KIRREL3: variants seen among roughly 807,000 people sequenced by gnomAD.
KIRREL3 encodes the protein kin of IRRE-like protein 3.
KIRREL3 carries 36 observed loss-of-function variants against 89.7 expected under a neutral mutation model. The ratio of observed to expected loss-of-function variants is 0.40; its 90% CI spans 0.31 to 0.53. The LOEUF (loss-of-function observed/expected upper bound fraction) is 0.53, where lower values mean the gene tolerates loss of function less well. Among genes scored for constraint, KIRREL3 ranks in the 20% least tolerant of loss-of-function variants. KIRREL3 has a pLI of 0.49. For missense variants in KIRREL3, 864 were observed against 1,056.6 expected (o/e 0.82, Z 2.53); for synonymous variants, 445 against 441.4 (o/e 1.01, Z -0.10).
At chr11:126,634,825 G>C (rs1454987143) in intron 1 of KIRREL3, among the ~76,000 whole-genome samples, 3 of 152,154 alleles carry the variant, frequency 2.0e-5, no homozygotes, top group Admixed American at 2.0e-4. Flanking sequence ...CTACAGGTCT[G>C]CGCCCTCTCG....
At chr11:126,834,479 C>T (rs745546068) in intron 1 of KIRREL3, among the ~76,000 whole-genome samples, 8 of 152,130 alleles carry the variant, frequency 5.3e-5, no homozygotes, top group Admixed American at 1.3e-4. Flanking sequence ...GACTGGCTCC[C>T]GGCAGGAAAG....
rs914173332 is a variant in KIRREL3, at chr11:126,647,898, G to A, written c.56-84986C>T. Among the ~76,000 whole-genome samples, 4 of 152,138 alleles carry A rather than the reference G, an allele frequency of 2.6e-5. No homozygotes were observed. Among genetic ancestry groups the A allele is most frequent in the Admixed American group, 6.5e-5 (1 of 15,272 alleles). On this transcript the variant is annotated intron_variant, in intron 1 of 16. Coordinates refer to ENST00000525144, the MANE Select transcript of KIRREL3 (RefSeq NM_032531.4). This position sits in a 1 kb window ranked among gnomAD's most constrained non-coding sequence, Gnocchi z 4.9. ...ATGGTGCTCTCCGGGGTCTGGCCTC[G>A]TTGTTACACTTTGACTTAATCTTCA...
intron 1 of KIRREL3, among the ~76,000 whole-genome samples, chr11:126,793,416 A>G (rs1950708005): frequency 6.6e-6 from 1 of 152,190 alleles, no homozygotes; most frequent in African/African-American, 2.4e-5. Flanking sequence ...GTTCCTTTGG[A>G]TGTGCATGCT....
intron 1 of KIRREL3, among the ~76,000 whole-genome samples, chr11:126,720,512 A>G (rs1948127502): frequency 6.6e-6 from 1 of 152,248 alleles, no homozygotes; most frequent in Non-Finnish European, 1.5e-5. Context: ...GGTGTATCTA[A>G]GGAAATAAAA....
At chr11:126,753,389 C>G (rs1052775564) in intron 1 of KIRREL3, among the ~76,000 whole-genome samples, 6 of 152,194 alleles carry the variant, frequency 3.9e-5, no homozygotes, top group Non-Finnish European at 7.3e-5. Flanking sequence ...CCATCCTGCA[C>G]TACTGGGATG....
At chr11:126,920,103 T>C (rs1416254632) in intron 1 of KIRREL3, 1 of 152,216 alleles carries the variant, frequency 6.6e-6, no homozygotes, top group African/African-American at 2.4e-5. Context: ...TTCTTCTTAT[T>C]GTACAGATGA....
Position 126,520,695 on chromosome 11 carries a change from C to T in KIRREL3, c.433+620G>A, listed in dbSNP as rs748296809. Among the ~76,000 whole-genome samples the T allele has an allele frequency of 6.6e-6, 1 of 152,108 alleles. No homozygotes were observed. The highest frequency in any genetic ancestry group is 1.5e-5 in the Non-Finnish European group (1 of 68,018). ...GGCAAGATGATCCAGGAACGCTGGG[C>T]TCCTGGGAACATAAGATGAAGAAAG... On this transcript the variant is annotated intron_variant, in intron 4 of 16. Transcript: ENST00000525144. This position sits in a 1 kb window ranked among gnomAD's most constrained non-coding sequence, Gnocchi z 4.9.
At chr11:126,743,516 A>G (rs1014218965) in intron 1 of KIRREL3, among the ~76,000 whole-genome samples, 15 of 152,254 alleles carry the variant, frequency 9.9e-5, no homozygotes, top group African/African-American at 3.4e-4. Context: ...GTGAATGCAT[A>G]TTGAATGCAA....
At position 126,441,558 on chromosome 11, in the gene KIRREL3, G is replaced by T. The variant is rs927369665; in HGVS notation, c.1253-1009C>A. ...GTCATGCTCCCTTTCCAATCCCTGG[G>T]GTCACAGTTGGGACTTAGATGGCAG... is the stretch of plus-strand genomic sequence containing the variant. On this transcript the variant is annotated intron_variant, in intron 10 of 16. Coordinates refer to ENST00000525144, the MANE Select transcript of KIRREL3 (RefSeq NM_032531.4). This position sits in a 1 kb window ranked among gnomAD's most constrained non-coding sequence, Gnocchi z 5.0. Among the ~76,000 whole-genome samples the T allele has an allele frequency of 6.6e-6, 1 of 152,210 alleles. No individual in the cohort carries two copies. The highest frequency in any genetic ancestry group is 1.5e-5 in the Non-Finnish European group (1 of 68,040).
chr11:126,946,195 T>C lies in KIRREL3; in HGVS notation c.55+54260A>G, dbSNP rs1358775046. 6.7e-6 allele frequency among the ~76,000 whole-genome samples: 1 copy of C among 150,048 alleles called. No individual in the cohort carries two copies. Among genetic ancestry groups the C allele is most frequent in the Non-Finnish European group, 1.5e-5 (1 of 67,692 alleles). On this transcript the variant is annotated intron_variant, in intron 1 of 16. Coordinates refer to ENST00000525144, the MANE Select transcript of KIRREL3 (RefSeq NM_032531.4). This position sits in a 1 kb window ranked among gnomAD's most constrained non-coding sequence, Gnocchi z 4.1. ...CTAAGCTTAGATGCCAGAATTCAAGTTTCAGTTTTTCCCCTTAAAATGACC... is the reference window on the plus strand; with the variant it reads ...CTAAGCTTAGATGCCAGAATTCAAGCTTCAGTTTTTCCCCTTAAAATGACC...
At chr11:126,448,193 G>C (rs1955894975) in intron 8 of KIRREL3, among the ~76,000 whole-genome samples, 1 of 147,848 alleles carries the variant, frequency 6.8e-6, no homozygotes, top group African/African-American at 2.5e-5. Flanking sequence ...TGAGGCAGGA[G>C]AATCTCTTGA....
In KIRREL3 at chr11:126,498,163, C is replaced by T. The variant is rs1591636900; in HGVS notation, c.433+23152G>A. On this transcript the variant is annotated intron_variant, in intron 4 of 16. Coordinates refer to ENST00000525144, the MANE Select transcript of KIRREL3 (RefSeq NM_032531.4). This position sits in a 1 kb window ranked among gnomAD's most constrained non-coding sequence, Gnocchi z 4.3. ...ACCAAGCTGATTGAGTGAAAGGGGGCAGAGTTGGGGTGGCCATCAAACCCC... is the reference window on the plus strand; with the variant it reads ...ACCAAGCTGATTGAGTGAAAGGGGGTAGAGTTGGGGTGGCCATCAAACCCC... 1.3e-5 allele frequency among the ~76,000 whole-genome samples: 2 copies of T among 152,144 alleles called. No individual in the cohort carries two copies. Among genetic ancestry groups the T allele is most frequent in the East Asian group, 1.9e-4 (1 of 5,198 alleles).
Position 126,428,479 on chromosome 11 carries a change from G to T in KIRREL3, c.1806+700C>A, listed in dbSNP as rs1343148933. 6.6e-6 allele frequency among the ~76,000 whole-genome samples: 1 copy of T among 152,138 alleles called. No homozygotes were observed. The highest frequency in any genetic ancestry group is 6.5e-5 in the Admixed American group (1 of 15,276). On this transcript the variant is annotated intron_variant, in intron 15 of 16. Coordinates refer to ENST00000525144, the MANE Select transcript of KIRREL3 (RefSeq NM_032531.4). The surrounding 1 kb of genome is among the most constrained non-coding windows in gnomAD (Gnocchi z 6.4). The stretch of plus-strand genomic sequence containing the variant: ...TTCTTGCAGACTGTTTTGGTGGGGT[G>T]CGGGGGATGAGGGAGAGGGACATGT...
Position 126,940,440 on chromosome 11 carries a change from A to C in KIRREL3, c.55+60015T>G, listed in dbSNP as rs1428312224. 6.6e-6 allele frequency: 1 copy of C among 152,210 alleles called. No individual in the cohort carries two copies. 9.4% of individuals were successfully genotyped at this position (152,210 alleles called of 1,614,324 possible). On this transcript the variant is annotated intron_variant, in intron 1 of 16. Transcript: ENST00000525144. The surrounding 1 kb of genome is among the most constrained non-coding windows in gnomAD (Gnocchi z 4.6). ...TATATGCAATTAAAAAATGAACAGT[A>C]TTTCTTACCCGAGTGAAGCTTTAAA...
rs897186090 is a variant in KIRREL3 at position 126,704,846 on chromosome 11, A to C, written c.56-141934T>G. 6.6e-6 allele frequency among the ~76,000 whole-genome samples: 1 copy of C among 152,212 alleles called. No individual in the cohort carries two copies. Among genetic ancestry groups the C allele is most frequent in the Non-Finnish European group, 1.5e-5 (1 of 68,034 alleles). On this transcript the variant is annotated intron_variant, in intron 1 of 16. Coordinates refer to ENST00000525144, the MANE Select transcript of KIRREL3 (RefSeq NM_032531.4). This position sits in a 1 kb window ranked among gnomAD's most constrained non-coding sequence, Gnocchi z 4.2. ...CCTAAAGGAAGATACTGGGATTCTC[A>C]ATAGGCCATCACCCAAGGGAAGCAG...
rs34978323 is a variant in KIRREL3 at position 126,876,538 on chromosome 11, C to CT, written c.55+123916dup. Reference sequence around the variant, plus strand: ...CTTACAGTACATACTCATAAATATGCTTTTTTTTTTTTTTTTTGAGATGGA... The same window carrying CT: ...CTTACAGTACATACTCATAAATATGCTTTTTTTTTTTTTTTTTTGAGATGGA... On this transcript the variant is annotated intron_variant, in intron 1 of 16. Coordinates refer to ENST00000525144, the MANE Select transcript of KIRREL3 (RefSeq NM_032531.4). This position sits in a 1 kb window ranked among gnomAD's most constrained non-coding sequence, Gnocchi z 4.1. 5.5e-3 allele frequency among the ~76,000 whole-genome samples: 636 copies of CT among 115,334 alleles called. 10 individuals carry two copies. Among genetic ancestry groups the CT allele is most frequent in the South Asian group, 0.035 (114 of 3,218 alleles). 75.7% of individuals were successfully genotyped at this position (115,334 alleles called of 152,430 possible).
chr11:126,445,422 A>G (rs1156581594), intron 9 of KIRREL3, among the ~76,000 whole-genome samples: 1 of 152,168 alleles, frequency 6.6e-6, no homozygotes, highest in Non-Finnish European at 1.5e-5. Context: ...GGGGACTTCC[A>G]GGTTTCCTCC....
In KIRREL3 at chr11:126,520,188, C is replaced by T. The variant is rs1279127455; in HGVS notation, c.433+1127G>A. ...TGCTTTTAAATATTTCATCTCTGAG[C>T]AGCTGTGTGCTTTAGCTGCCAGGAG... On this transcript the variant is annotated intron_variant, in intron 4 of 16. Transcript: ENST00000525144. This position sits in a 1 kb window ranked among gnomAD's most constrained non-coding sequence, Gnocchi z 4.9. 2.6e-5 allele frequency among the ~76,000 whole-genome samples: 4 copies of T among 152,172 alleles called. No individual in the cohort carries two copies. Among genetic ancestry groups the T allele is most frequent in the Non-Finnish European group, 5.9e-5 (4 of 68,026 alleles).
At chr11:126,716,530 G>A (rs1392124574) in intron 1 of KIRREL3, among the ~76,000 whole-genome samples, 1 of 152,094 alleles carries the variant, frequency 6.6e-6, no homozygotes, top group Non-Finnish European at 1.5e-5. Flanking sequence ...GAAACAGGAA[G>A]GGACTGACTT....
Sources: gnomAD v4.1 joint callset for allele counts (sites outside exome capture counted in the v4.1 genomes callset) on GRCh38, gnomAD v4.1.1 for gene constraint, Gnocchi (gnomAD v3.1) non-coding constraint, MANE v1.5 for transcripts, NCBI Gene and HGNC (gene_info 2026-07-23, HGNC 2026-07-21) for gene names.